The following IFNAR1 variants were observed in gnomAD, a reference collection of about 807,000 sequenced individuals.
IFNAR1 encodes interferon alpha and beta receptor subunit 1.
Under a neutral mutation model 62.1 loss-of-function variants are expected in IFNAR1, and 47 were observed. The ratio of observed to expected loss-of-function variants is 0.76; its 90% CI spans 0.60 to 0.97. The LOEUF is 0.97. IFNAR1 is among the 50% of genes least tolerant of loss of function. IFNAR1 has a pLI of 0.00. For missense variants in IFNAR1, 638 were observed against 654.5 expected (o/e 0.97, Z 0.27); for synonymous variants, 219 against 226.9 (o/e 0.97, Z 0.31).
At chr21:33,337,622 A>G (rs182812092) in intron 2 of IFNAR1, among the ~76,000 whole-genome samples, 20 of 111,538 alleles carry the variant, frequency 1.8e-4, no homozygotes, top group African/African-American at 5.9e-4. Flanking sequence ...CACACTGTAT[A>G]TATGCATATA....
intron 3 of IFNAR1, among the ~76,000 whole-genome samples, chr21:33,342,579 T>G (rs1394364456): frequency 6.6e-6 from 1 of 151,466 alleles, no homozygotes; most frequent in Non-Finnish European, 1.5e-5. Context: ...GCGCGGTGGC[T>G]CACGCCTGTA....
chr21:33,353,693 C>T lies in IFNAR1; in HGVS notation c.1350C>T (p.Leu450=), dbSNP rs368180399. 6.3e-7 allele frequency: 1 copy of T among 1,583,556 alleles called. No individual in the cohort carries two copies. Among genetic ancestry groups the T allele is most frequent in the African/African-American group, 1.4e-5 (1 of 73,398 alleles). ...GAATTTGTATTGCATTATTTGCTCT[C>T]CCGTTTGTCATTTATGCTGCGAAAG... The part of the protein sequence containing the change: ...IVGICIALFA[L]PFVIYAAKVF... Residue 450 remains leucine (L), a synonymous_variant, in exon 10 of 11, where the codon CTC becomes CTT. Coordinates refer to ENST00000270139, the MANE Select transcript of IFNAR1 (RefSeq NM_000629.3).
intron 2 of IFNAR1, among the ~76,000 whole-genome samples, chr21:33,336,331 C>T (rs2083234451): frequency 7.6e-6 from 1 of 131,848 alleles, no homozygotes; most frequent in African/African-American, 2.9e-5. Context: ...CATTGTTGGA[C>T]ATTTGGGTTG....
Position 33,357,530 on chromosome 21 carries a change from G to GTTTTTGTTTTTTTTTTTTTTTT in IFNAR1, c.*1986_*1987insGTTTTTTTTTTTTTTTTTTTTT, listed in dbSNP as rs753779784. 1 of 139,670 alleles carries GTTTTTGTTTTTTTTTTTTTTTT rather than the reference G, an allele frequency of 7.2e-6. No homozygotes were observed. The highest frequency in any genetic ancestry group is 2.7e-5 in the African/African-American group (1 of 37,238). 8.7% of individuals were successfully genotyped at this position (139,670 alleles called of 1,614,324 possible). A position where few individuals can be genotyped will look rare whatever the true frequency, so the allele number is the denominator to read the frequency against. ...ATTTTCATCTTTCTGACCAGAGGCT[G>GTTTTTGTTTTTTTTTTTTTTTT]TTTTTTTTTTTTTTTGAGACAGTCT... On this transcript the variant is annotated 3_prime_UTR_variant, in exon 11 of 11. Transcript: ENST00000270139.
At position 33,358,299 on chromosome 21, in the gene IFNAR1, A is replaced by AT. The variant is rs2083468658; in HGVS notation, c.*2756dup. Reference sequence around the variant, plus strand: ...ATATGCTTAGCTGTAAGTGACAAGTATTTTTTCTGAACAGAAGTTTACTTA... The same window carrying AT: ...ATATGCTTAGCTGTAAGTGACAAGTATTTTTTTCTGAACAGAAGTTTACTTA... On this transcript the variant is annotated 3_prime_UTR_variant, in exon 11 of 11. Transcript: ENST00000270139. 6.6e-6 allele frequency: 1 copy of AT among 152,192 alleles called. No homozygotes were observed. The highest frequency in any genetic ancestry group is 1.5e-5 in the Non-Finnish European group (1 of 68,034). The allele number at this position is 152,192 out of a possible 1,614,324, so 9.4% of individuals were successfully genotyped here. A position where few individuals can be genotyped will look rare whatever the true frequency, so the allele number is the denominator to read the frequency against.
chr21:33,346,966 C>T (rs532726606), intron 6 of IFNAR1, among the ~76,000 whole-genome samples: 3 of 152,186 alleles, frequency 2.0e-5, no homozygotes, highest in South Asian at 2.1e-4. Flanking sequence ...GGAGTCCAAG[C>T]GTGGCTTAGC....
chr21:33,345,002 C>T (rs1303523117), intron 5 of IFNAR1, among the ~76,000 whole-genome samples: 3 of 151,970 alleles, frequency 2.0e-5, no homozygotes, highest in Non-Finnish European at 2.9e-5. Context: ...TGGCCAGGCG[C>T]GTCTCGAACT....
At chr21:33,325,170 G>C in intron 1 of IFNAR1, 39 bp downstream of exon 1, 1 of 1,561,296 alleles carries the variant, frequency 6.4e-7, no homozygotes, top group South Asian at 1.1e-5. Context: ...CAGGGCGGGA[G>C]GTAGGGCACG....
intron 1 of IFNAR1, among the ~76,000 whole-genome samples, chr21:33,329,429 A>T (rs1032489297): frequency 2.6e-5 from 4 of 152,166 alleles, no homozygotes; most frequent in African/African-American, 9.7e-5. Flanking sequence ...TGAAACAGAA[A>T]ATTGAGGATG....
At chr21:33,344,080 G>T (rs1378607608) in intron 5 of IFNAR1, among the ~76,000 whole-genome samples, 1 of 152,182 alleles carries the variant, frequency 6.6e-6, no homozygotes, top group Non-Finnish European at 1.5e-5. Context: ...GAACCTGGGA[G>T]GTGGAAGTTG....
At chr21:33,346,729 T>C (rs1164311258) in intron 6 of IFNAR1, among the ~76,000 whole-genome samples, 1 of 152,198 alleles carries the variant, frequency 6.6e-6, no homozygotes, top group East Asian at 1.9e-4. Context: ...AAGAGTGGTA[T>C]ACAAATTATA....
intron 5 of IFNAR1, among the ~76,000 whole-genome samples, chr21:33,344,012 G>A (rs186667420): frequency 5.5e-4 from 84 of 152,304 alleles, no homozygotes; most frequent in African/African-American, 1.9e-3. Context: ...TTAGCTGGGC[G>A]TGGTGGCTCA....
rs1007046178 is a variant in IFNAR1, at chr21:33,356,797, G to C, written c.*1248G>C. 6.6e-6 allele frequency: 1 copy of C among 152,188 alleles called. No homozygotes were observed. The highest frequency in any genetic ancestry group is 6.5e-5 in the Admixed American group (1 of 15,280). 9.4% of individuals were successfully genotyped at this position (152,188 alleles called of 1,614,324 possible). Reference sequence around the variant, plus strand: ...AAGAAGAATGCTTCCCTAGGAAAAAGGTCGCTGGCTTTGGTGCAAGAGGAA... The same window carrying C: ...AAGAAGAATGCTTCCCTAGGAAAAACGTCGCTGGCTTTGGTGCAAGAGGAA... On this transcript the variant is annotated 3_prime_UTR_variant, in exon 11 of 11. Transcript: ENST00000270139.
chr21:33,343,468 T>TA (rs1568930170), intron 4 of IFNAR1, 46 bp downstream of exon 4: 1 of 1,571,786 alleles, frequency 6.4e-7, no homozygotes, highest in South Asian at 1.1e-5. Context: ...AGAGAAAAAT[T>TA]AGGCGAATTA....
At chr21:33,337,191 C>G (rs1467394591) in intron 2 of IFNAR1, among the ~76,000 whole-genome samples, 2 of 151,700 alleles carry the variant, frequency 1.3e-5, no homozygotes, top group East Asian at 1.9e-4. Flanking sequence ...CCACTGTACT[C>G]CAGCCTGGGA....
chr21:33,333,600 GA>G (rs2083201734), intron 1 of IFNAR1, among the ~76,000 whole-genome samples: 1 of 148,158 alleles, frequency 6.7e-6, no homozygotes, highest in Non-Finnish European at 1.5e-5. Flanking sequence ...CATACTTAAA[GA>G]GACTGGCGGA....
intron 1 of IFNAR1, among the ~76,000 whole-genome samples, chr21:33,330,516 C>T (rs1280025734): frequency 3.9e-5 from 6 of 152,142 alleles, no homozygotes. Flanking sequence ...GGATTAACAA[C>T]AATTACACAG....
chr21:33,338,419 A>G (rs557020321), intron 2 of IFNAR1, among the ~76,000 whole-genome samples: 2 of 150,904 alleles, frequency 1.3e-5, no homozygotes, highest in South Asian at 2.1e-4. Flanking sequence ...CTGTAATCCC[A>G]CCTACTTGGG....
Position 33,354,566 on chromosome 21 carries a change from C to T in IFNAR1, c.1441-750C>T, listed in dbSNP as rs2083430527. 2.0e-5 allele frequency among the ~76,000 whole-genome samples: 3 copies of T among 152,106 alleles called. No homozygotes were observed. In the South Asian group the frequency reaches 6.2e-4, roughly 31 times the overall value. Reference sequence around the variant, plus strand: ...TAAAAACATGAGACTTTTTTTATGACACACATCACAGTTTTTTGTTTGGCA... The same window carrying T: ...TAAAAACATGAGACTTTTTTTATGATACACATCACAGTTTTTTGTTTGGCA... On this transcript the variant is annotated intron_variant, in intron 10 of 10. Coordinates refer to ENST00000270139, the MANE Select transcript of IFNAR1 (RefSeq NM_000629.3).
Sources: allele counts gnomAD v4.1 joint callset (sites outside exome capture counted in the v4.1 genomes callset), GRCh38; gene constraint gnomAD v4.1.1; transcripts MANE v1.5; gene names NCBI Gene and HGNC (gene_info 2026-07-23, HGNC 2026-07-21).